Variants in PLCE1 observed in about 807,000 individuals in gnomAD.
The protein encoded by PLCE1 is phospholipase C epsilon 1, also known as 1-phosphatidylinositol 4,5-bisphosphate phosphodiesterase epsilon-1.
A neutral mutation model predicts 242.8 loss-of-function variants in PLCE1; 119 were observed. That is an observed-to-expected ratio of 0.49 (90% CI 0.42 to 0.57). The LOEUF is 0.57. Ranked by LOEUF, PLCE1 falls within the 20% of genes least tolerant of loss-of-function variation. The pLI is 0.00. For synonymous variants in PLCE1, 945 were observed against 1,017.4 expected (o/e 0.93, Z 1.35); for missense variants, 2,441 against 2,788.8 (o/e 0.88, Z 2.81).
intron 2 of PLCE1, among the ~76,000 whole-genome samples, chr10:94,130,614 C>G (rs1032172310): frequency 6.6e-6 from 1 of 152,198 alleles, no homozygotes; most frequent in Non-Finnish European, 1.5e-5. Flanking sequence ...CAAACCTGGG[C>G]TCTTTCTGTC....
rs1279893924 is a variant in PLCE1, at chr10:94,321,887, C to T, written c.6343-14C>T. 7 of 1,601,514 alleles carry T rather than the reference C, an allele frequency of 4.4e-6. No individual in the cohort carries two copies. The East Asian group carries it at 1.3e-4, about 31-fold the overall frequency. ...AACCTATTATTTACTCACATTTTTT[C>T]TTTTTAAACATAGAACCTAGAAGAG... On this transcript the variant is annotated splice_polypyrimidine_tract_variant and intron_variant, in intron 29 of 32. Coordinates refer to ENST00000371380, the MANE Select transcript of PLCE1 (RefSeq NM_016341.4).
Position 94,306,484 on chromosome 10 carries a change from G to A in PLCE1, c.5680G>A (p.Val1894Ile). The A allele has an allele frequency of 6.2e-7, 1 of 1,614,136 alleles. No individual in the cohort carries two copies. The highest frequency in any genetic ancestry group is 8.5e-7 in the Non-Finnish European group (1 of 1,180,012). Residue 1894 changes from valine to isoleucine, a missense_variant, in exon 26 of 33, where the codon GTC (valine) becomes ATC (isoleucine). Val to Ile is a conservative substitution (Grantham distance 29). Transcript: ENST00000371380. This position sits in a 1 kb window ranked among gnomAD's most constrained non-coding sequence, Gnocchi z 5.7. ...SNSMGSPCIE[V>I]DVLGMPLDSC... ...TAGCATGGGAAGCCCGTGCATTGAA[G>A]TCGACGTCCTGGGCATGCCTCTGGA...
chr10:94,227,423 G>A lies in PLCE1; in HGVS notation c.1927G>A (p.Ala643Thr), dbSNP rs61886330. 677 of 1,613,948 alleles carry A rather than the reference G, an allele frequency of 4.2e-4. No homozygotes were observed. Among genetic ancestry groups the A allele is most frequent in the Non-Finnish European group, 5.1e-4 (605 of 1,179,930 alleles). The change falls in exon 5 of 33, where the codon GCT (alanine) becomes ACT (threonine). Residue 643 changes from alanine (A) to threonine (T), a missense_variant. Transcript: ENST00000371380. ...KCCWNMGNYN[A>T]VMEFLAGLRS... ...CTGCTGGAACATGGGCAACTACAAC[G>A]CTGTCATGGAGTTCTTGGCTGGCCT... is the stretch of plus-strand genomic sequence containing the variant.
intron 2 of PLCE1, among the ~76,000 whole-genome samples, chr10:94,093,164 T>TA (rs1265496838): frequency 6.6e-6 from 1 of 152,232 alleles, no homozygotes; most frequent in Admixed American, 6.5e-5. Context: ...AGCAGCCCCC[T>TA]AAACCTTGGT....
chr10:94,259,143 T>C lies in PLCE1; in HGVS notation c.3807T>C (p.Pro1269=), dbSNP rs1262826777. Residue 1269 remains proline (P), a synonymous_variant, in exon 13 of 33, where the codon CCT becomes CCC. Coordinates refer to ENST00000371380, the MANE Select transcript of PLCE1 (RefSeq NM_016341.4). Reference sequence around the variant, plus strand: ...ATGAAAACACCAGCGATCTTCAGCCTGACCTAGGTTTGTTGAACATTTTAG... The same window carrying C: ...ATGAAAACACCAGCGATCTTCAGCCCGACCTAGGTTTGTTGAACATTTTAG... ...TIDENTSDLQ[P]DLDLLTRNVS... 1.9e-6 allele frequency: 3 copies of C among 1,614,150 alleles called. No homozygotes were observed. The highest frequency in any genetic ancestry group is 2.5e-6 in the Non-Finnish European group (3 of 1,179,966).
chr10:94,183,913 G>C (rs992018893), intron 4 of PLCE1, among the ~76,000 whole-genome samples: 1 of 152,106 alleles, frequency 6.6e-6, no homozygotes, highest in Non-Finnish European at 1.5e-5. Context: ...ATGGCACTAA[G>C]CTATTCATAA....
chr10:94,083,136 T>C (rs1465926367), intron 2 of PLCE1, among the ~76,000 whole-genome samples: 2 of 152,210 alleles, frequency 1.3e-5, no homozygotes, highest in African/African-American at 4.8e-5. Flanking sequence ...CATCAGATTC[T>C]TGGTCAAGAA....
intron 19 of PLCE1, 96 bp downstream of exon 19, chr10:94,273,816 C>T: frequency 8.5e-7 from 1 of 1,178,784 alleles, no homozygotes; most frequent in Non-Finnish European, 1.3e-6. Context: ...TGCTGGTTTA[C>T]TAGTTTTTCA....
At chr10:94,170,755 C>T (rs1443844566) in intron 3 of PLCE1, among the ~76,000 whole-genome samples, 1 of 152,160 alleles carries the variant, frequency 6.6e-6, no homozygotes, top group East Asian at 1.9e-4. Context: ...TATGCATATA[C>T]ATATTCTTCA....
At position 94,328,033 on chromosome 10, in the gene PLCE1, G is replaced by GACTT. The variant is rs767668379; in HGVS notation, c.*92_*95dup. 20 of 520,944 alleles carry GACTT rather than the reference G, an allele frequency of 3.8e-5. No homozygotes were observed. The highest frequency in any genetic ancestry group is 2.1e-4 in the African/African-American group (11 of 51,848). The allele number at this position is 520,944 out of a possible 1,614,324, so 32.3% of individuals were successfully genotyped here. ...GGAAAAAATATAATTATTTTCATCA[G>GACTT]ACTTAAACTGGAAATTGATGATTTC... On this transcript the variant is annotated 3_prime_UTR_variant, in exon 33 of 33. Coordinates refer to ENST00000371380, the MANE Select transcript of PLCE1 (RefSeq NM_016341.4).
intron 2 of PLCE1, among the ~76,000 whole-genome samples, chr10:94,034,829 A>C (rs769155963): frequency 6.6e-6 from 1 of 152,158 alleles, no homozygotes; most frequent in Non-Finnish European, 1.5e-5. Flanking sequence ...CTAGGAGTTT[A>C]AACAGAGCTC....
Position 94,120,452 on chromosome 10 carries a change from A to G in PLCE1, c.1207-11722A>G, listed in dbSNP as rs530647939. 2.0e-5 allele frequency among the ~76,000 whole-genome samples: 3 copies of G among 152,262 alleles called. No individual in the cohort carries two copies. The East Asian group carries it at 5.8e-4, about 29-fold the overall frequency. ...GGGTCCTGTCTCTGAGAGTAAGTCCATGTTAGCTCAACTACTGAGTTCGTG... is the reference window on the plus strand; with the variant it reads ...GGGTCCTGTCTCTGAGAGTAAGTCCGTGTTAGCTCAACTACTGAGTTCGTG... On this transcript the variant is annotated intron_variant, in intron 2 of 32. Transcript: ENST00000371380.
intron 1 of PLCE1, among the ~76,000 whole-genome samples, chr10:94,028,442 C>T (rs1589878009): frequency 6.6e-6 from 1 of 152,114 alleles, no homozygotes; most frequent in Admixed American, 6.6e-5. Context: ...AAGGAGGAAG[C>T]TCCAATGACT....
At position 94,023,402 on chromosome 10, in the gene PLCE1, A is replaced by T. The variant is rs531188226; in HGVS notation, c.-364-7281A>T. On this transcript the variant is annotated intron_variant, in intron 1 of 32. Transcript: ENST00000371380. ...TCTTTTCATATCATCAAAGTTGTAG[A>T]TCTGTGTGTGTTTGTGCATGCCTGC... 2.0e-5 allele frequency among the ~76,000 whole-genome samples: 3 copies of T among 152,258 alleles called. No individual in the cohort carries two copies. In the East Asian group the frequency reaches 5.8e-4, roughly 29 times the overall value.
intron 1 of PLCE1, among the ~76,000 whole-genome samples, chr10:94,010,630 G>A (rs937474224): frequency 1.3e-5 from 2 of 152,174 alleles, no homozygotes; most frequent in African/African-American, 4.8e-5. Flanking sequence ...TAGGCTGTTA[G>A]AAGCAGTCAG....
chr10:94,118,141 T>G (rs1317867151), intron 2 of PLCE1, among the ~76,000 whole-genome samples: 4 of 152,228 alleles, frequency 2.6e-5, no homozygotes, highest in Non-Finnish European at 4.4e-5. Flanking sequence ...GTTACAATTT[T>G]TTTAAACTTA....
chr10:94,261,918 A>T (rs1564839984), intron 13 of PLCE1, among the ~76,000 whole-genome samples: 1 of 152,134 alleles, frequency 6.6e-6, no homozygotes, highest in Non-Finnish European at 1.5e-5. Flanking sequence ...ATTTCACCTA[A>T]GTCCCCAGCT....
At chr10:94,243,121 AG>A (rs2050563379) in intron 7 of PLCE1, among the ~76,000 whole-genome samples, 1 of 152,238 alleles carries the variant, frequency 6.6e-6, no homozygotes, top group Admixed American at 6.5e-5. Flanking sequence ...CATGACACAC[AG>A]GTCCTCAGCC....
intron 3 of PLCE1, among the ~76,000 whole-genome samples, chr10:94,160,947 T>G (rs2047592449): frequency 6.6e-6 from 1 of 152,198 alleles, no homozygotes; most frequent in South Asian, 2.1e-4. Context: ...GAGGGCTCTG[T>G]TCTGTTCCAC....
Sources: gnomAD v4.1 joint callset for allele counts (sites outside exome capture counted in the v4.1 genomes callset) on GRCh38, gnomAD v4.1.1 for gene constraint, Gnocchi (gnomAD v3.1) non-coding constraint, MANE v1.5 for transcripts, NCBI Gene and HGNC (gene_info 2026-07-23, HGNC 2026-07-21) for gene names.